The following DLGAP2 variants were observed in gnomAD, a reference collection of about 807,000 sequenced individuals.
The protein encoded by DLGAP2 is DLG associated protein 2.
Under a neutral mutation model 100.3 loss-of-function variants are expected in DLGAP2, and 26 were observed. The observed-to-expected ratio is 0.26, with a 90% CI of 0.19 to 0.36. The LOEUF is 0.36. DLGAP2 is among the 10% of genes least tolerant of loss of function. The pLI, the probability that DLGAP2 is intolerant of heterozygous loss-of-function variation, is 1.00. For synonymous variants in DLGAP2, 886 were observed against 630.1 expected, an observed-to-expected ratio of 1.41 and a Z score of -6.08; for missense variants, 1,858 against 1,453.2, an observed-to-expected ratio of 1.28 and a Z score of -4.53.
chr8:1,047,517 C>T (rs1203688288), intron 2 of DLGAP2, among the ~76,000 whole-genome samples: 1 of 152,216 alleles, frequency 6.6e-6, no homozygotes, highest in Non-Finnish European at 1.5e-5. Flanking sequence ...TTAGTGCACT[C>T]AGACTGCTGC....
chr8:1,325,657 C>T (rs1457220040), intron 3 of DLGAP2, among the ~76,000 whole-genome samples: 3 of 152,188 alleles, frequency 2.0e-5, no homozygotes, highest in Admixed American at 6.5e-5. Flanking sequence ...CAGCCTCCAG[C>T]AGTGATTGGC....
At chr8:1,293,644 T>C (rs1226085251) in intron 3 of DLGAP2, among the ~76,000 whole-genome samples, 1 of 152,128 alleles carries the variant, frequency 6.6e-6, no homozygotes, top group African/African-American at 2.4e-5. Flanking sequence ...AAAAAAAAAT[T>C]ATCATGCCTG....
intron 3 of DLGAP2, among the ~76,000 whole-genome samples, chr8:1,336,579 G>T (rs957217671): frequency 6.6e-6 from 1 of 152,180 alleles, no homozygotes; most frequent in Non-Finnish European, 1.5e-5. Context: ...TGGCACAACT[G>T]GTTCAGACTA....
intron 3 of DLGAP2, among the ~76,000 whole-genome samples, chr8:1,298,632 C>G (rs1800251816): frequency 1.3e-5 from 2 of 152,062 alleles, no homozygotes; most frequent in African/African-American, 4.8e-5. Context: ...ATGGCAGGCG[C>G]TGAGCGTGTG....
chr8:1,316,082 C>A (rs371303327), intron 3 of DLGAP2, among the ~76,000 whole-genome samples: 856 of 78,068 alleles, frequency 0.011, 2 homozygotes, highest in Non-Finnish European at 0.012. Flanking sequence ...GCGTCTCTCC[C>A]ACAGTGGTCT....
At chr8:1,343,397 C>T (rs1364187008) in intron 3 of DLGAP2, among the ~76,000 whole-genome samples, 3 of 152,088 alleles carry the variant, frequency 2.0e-5, no homozygotes, top group African/African-American at 7.2e-5. Flanking sequence ...AGCCTGTGTC[C>T]TGGGGTTTTC....
intron 3 of DLGAP2, among the ~76,000 whole-genome samples, chr8:1,361,076 G>T (rs1228320665): frequency 6.6e-6 from 1 of 152,216 alleles, no homozygotes; most frequent in African/African-American, 2.4e-5. Context: ...CAGTGGCCGG[G>T]ACCAGCCCCA....
chr8:1,453,569 C>T lies in DLGAP2; in HGVS notation c.107-47797C>T, dbSNP rs114061446. 1.1e-3 allele frequency among the ~76,000 whole-genome samples: 164 copies of T among 152,210 alleles called. 1 individual carries two copies. Among genetic ancestry groups the T allele is most frequent in the African/African-American group, 3.7e-3 (153 of 41,526 alleles). On this transcript the variant is annotated intron_variant, in intron 3 of 14. Transcript: ENST00000637795. ...GATTATTCTTGAGTGCAGTCATTTGCAAACTGAGTTTGGTGACACCTTACA... is the reference window on the plus strand; with the variant it reads ...GATTATTCTTGAGTGCAGTCATTTGTAAACTGAGTTTGGTGACACCTTACA...
intron 3 of DLGAP2, among the ~76,000 whole-genome samples, chr8:1,360,591 C>T (rs549905110): frequency 6.6e-6 from 1 of 152,184 alleles, no homozygotes; most frequent in Admixed American, 6.5e-5. Context: ...CCGAAAAGCA[C>T]ACAGGGAATC....
chr8:1,623,210 C>G (rs570454465), intron 6 of DLGAP2, among the ~76,000 whole-genome samples: 15 of 152,318 alleles, frequency 9.8e-5, no homozygotes, highest in Admixed American at 2.0e-4. Context: ...TGCTTAAAAT[C>G]CCAGTGACCT....
At chr8:1,036,981 C>T (rs1486725851) in intron 2 of DLGAP2, among the ~76,000 whole-genome samples, 1 of 152,108 alleles carries the variant, frequency 6.6e-6, no homozygotes, top group Non-Finnish European at 1.5e-5. Flanking sequence ...GAATAAGGGG[C>T]CGTGGAGCCT....
chr8:918,022 C>G (rs559296861), intron 2 of DLGAP2, among the ~76,000 whole-genome samples: 2 of 152,270 alleles, frequency 1.3e-5, no homozygotes, highest in African/African-American at 4.8e-5. Context: ...GGTTGCATGT[C>G]TAGGGCTGTG....
intron 8 of DLGAP2, among the ~76,000 whole-genome samples, chr8:1,640,288 G>A (rs1400715187): frequency 6.6e-6 from 1 of 152,098 alleles, no homozygotes; most frequent in Non-Finnish European, 1.5e-5. Flanking sequence ...GGAAGCCCAG[G>A]TGTGCTGCCC....
At position 1,018,660 on chromosome 8, in the gene DLGAP2, A is replaced by G. The variant is rs147672018; in HGVS notation, c.73+110694A>G. 5.9e-5 allele frequency: 9 copies of G among 152,368 alleles called. No homozygotes were observed. In the South Asian group the frequency reaches 8.3e-4, roughly 14 times the overall value. The allele number at this position is 152,368 out of a possible 1,614,324, so 9.4% of individuals were successfully genotyped here. On this transcript the variant is annotated intron_variant, in intron 2 of 14. Transcript: ENST00000637795. The stretch of plus-strand genomic sequence containing the variant: ...GGTCTCCTACATTAAGTAATCTGTG[A>G]TATTTAAACAAAGTTCATACTTTTT...
chr8:1,445,977 G>C (rs1797975268), intron 3 of DLGAP2, among the ~76,000 whole-genome samples: 1 of 150,456 alleles, frequency 6.6e-6, no homozygotes, highest in Non-Finnish European at 1.5e-5. Context: ...GTTCATTGTA[G>C]ATTCTGGATA....
intron 6 of DLGAP2, among the ~76,000 whole-genome samples, chr8:1,606,473 C>G (rs904799130): frequency 1.3e-5 from 2 of 152,138 alleles, no homozygotes; most frequent in African/African-American, 2.4e-5. Context: ...GGCCATGGAA[C>G]CCCACAATAC....
intron 2 of DLGAP2, among the ~76,000 whole-genome samples, chr8:989,449 C>T (rs749568287): frequency 4.6e-5 from 7 of 152,258 alleles, no homozygotes; most frequent in East Asian, 1.9e-4. Flanking sequence ...GTGTCCTGGG[C>T]GGCTTCACTT....
At chr8:1,193,514 C>T (rs1051955129) in intron 2 of DLGAP2, among the ~76,000 whole-genome samples, 2 of 152,184 alleles carry the variant, frequency 1.3e-5, no homozygotes, top group Non-Finnish European at 2.9e-5. Context: ...ACCATGCGTT[C>T]AGGGCTCATT....
At chr8:1,386,056 C>A (rs900007799) in intron 3 of DLGAP2, among the ~76,000 whole-genome samples, 10 of 152,190 alleles carry the variant, frequency 6.6e-5, no homozygotes, top group Non-Finnish European at 1.5e-4. Context: ...TTAATCTCCA[C>A]GGGATTTTGA....
Sources: gnomAD v4.1 joint callset for allele counts (sites outside exome capture counted in the v4.1 genomes callset) on GRCh38, gnomAD v4.1.1 for gene constraint, MANE v1.5 for transcripts, NCBI Gene and HGNC (gene_info 2026-07-23, HGNC 2026-07-21) for gene names.